CCDC191: variants seen among roughly 807,000 people sequenced by gnomAD.
CCDC191 encodes the protein coiled-coil domain-containing protein 191.
CCDC191 carries 99 observed loss-of-function variants against 114.0 expected under a neutral mutation model. The observed-to-expected ratio is 0.87, with a 90% CI of 0.74 to 1.03. The LOEUF (loss-of-function observed/expected upper bound fraction) is 1.03, where lower values mean the gene tolerates loss of function less well. Among genes scored for constraint, CCDC191 ranks in the 50% least tolerant of loss-of-function variants. The pLI is 0.00. For synonymous variants in CCDC191, 351 were observed against 376.0 expected (o/e 0.93, Z 0.77); for missense variants, 973 against 1,087.0 (o/e 0.90, Z 1.47).
chr3:113,995,268 T>G (rs951717470), intron 13 of CCDC191, among the ~76,000 whole-genome samples: 6 of 152,106 alleles, frequency 3.9e-5, no homozygotes, highest in African/African-American at 1.4e-4. Flanking sequence ...CACTCCACAA[T>G]ATATCCATGT....
intron 7 of CCDC191, among the ~76,000 whole-genome samples, chr3:114,022,085 A>G (rs540140850): frequency 6.6e-6 from 1 of 152,324 alleles, no homozygotes; most frequent in South Asian, 2.1e-4. Flanking sequence ...AAAATAAAAT[A>G]CTACCTGGTG....
At chr3:114,022,463 T>C in intron 7 of CCDC191, among the ~76,000 whole-genome samples, 1 of 152,160 alleles carries the variant, frequency 6.6e-6, no homozygotes, top group East Asian at 1.9e-4. Flanking sequence ...AAATTCTCCG[T>C]CATGGAAAAA....
chr3:113,975,607 T>C (rs1941265026), intron 16 of CCDC191, among the ~76,000 whole-genome samples: 1 of 152,228 alleles, frequency 6.6e-6, no homozygotes, highest in African/African-American at 2.4e-5. Context: ...CAGTAAATTA[T>C]ATACTTTCAG....
intron 7 of CCDC191, among the ~76,000 whole-genome samples, chr3:114,020,301 G>A (rs2076225174): frequency 6.6e-6 from 1 of 152,070 alleles, no homozygotes; most frequent in Admixed American, 6.6e-5. Context: ...ACATAAGAGA[G>A]CATCTACTAG....
At chr3:114,054,934 T>C (rs1374184013) in intron 1 of CCDC191, among the ~76,000 whole-genome samples, 1 of 152,042 alleles carries the variant, frequency 6.6e-6, no homozygotes, top group Non-Finnish European at 1.5e-5. Context: ...GATTTGTCAT[T>C]GGAGCACTAA....
chr3:113,965,263 C>T lies in CCDC191; in HGVS notation c.2703G>A (p.Arg901=), dbSNP rs760084450. The change falls in exon 17 of 17, where the codon AGG becomes AGA. Residue 901 remains arginine, a synonymous_variant. Coordinates refer to ENST00000295878, the MANE Select transcript of CCDC191 (RefSeq NM_020817.2). ...AGTCTGGAAGAATTTCAACTACCTTCCTACGAAGTTGCTGTCGCCTTTCTT... is the reference window on the plus strand; with the variant it reads ...AGTCTGGAAGAATTTCAACTACCTTTCTACGAAGTTGCTGTCGCCTTTCTT... ...VKEERRQQLR[R]KVVEILPDFQ... is the part of the protein sequence containing the mutation. The T allele has an allele frequency of 1.9e-5, 30 of 1,611,590 alleles. No homozygotes were observed. The highest frequency in any genetic ancestry group is 2.5e-5 in the Non-Finnish European group (29 of 1,178,830).
In CCDC191 at chr3:113,965,212, C is replaced by T; in HGVS notation, c.2754G>A (p.Glu918=). 2 of 1,611,656 alleles carry T rather than the reference C, an allele frequency of 1.2e-6. No individual in the cohort carries two copies. The highest frequency in any genetic ancestry group is 2.2e-5 in the East Asian group (1 of 44,812). The change falls in exon 17 of 17, where the codon GAG becomes GAA. Residue 918 remains glutamate, a synonymous_variant. Coordinates refer to ENST00000295878, the MANE Select transcript of CCDC191 (RefSeq NM_020817.2). ...ACCAAGTATCTGATTGCTGATATAG[C>T]TCGTGGTACCTTCCAGGTACCTGGA... ...PDFQVPGRYH[E]LYQQSDTWSL...
chr3:114,029,353 GAATAA>G (rs1311943340), intron 7 of CCDC191, among the ~76,000 whole-genome samples: 2 of 152,008 alleles, frequency 1.3e-5, no homozygotes, highest in African/African-American at 4.8e-5. Flanking sequence ...AGCTCATACT[GAATAA>G]AATAAACAAT....
At chr3:113,981,637 T>G (rs1332181707) in intron 13 of CCDC191, among the ~76,000 whole-genome samples, 1 of 152,156 alleles carries the variant, frequency 6.6e-6, no homozygotes, top group Non-Finnish European at 1.5e-5. Flanking sequence ...TTCCTTTACT[T>G]CATACGATTT....
intron 2 of CCDC191, among the ~76,000 whole-genome samples, chr3:114,050,780 T>G (rs935672671): frequency 1.3e-5 from 2 of 152,218 alleles, no homozygotes; most frequent in Admixed American, 6.5e-5. Flanking sequence ...TTTCGTCTGA[T>G]GGCACATAGA....
chr3:114,042,600 C>A, intron 4 of CCDC191, 103 bp downstream of exon 4: 4 of 967,226 alleles, frequency 4.1e-6, no homozygotes, highest in South Asian at 5.5e-5. Flanking sequence ...AAAAAAAACA[C>A]AGAAAACTTA....
chr3:114,004,055 G>A (rs1268503295), intron 11 of CCDC191: 3 of 961,874 alleles, frequency 3.1e-6, no homozygotes, highest in Non-Finnish European at 3.7e-6. Context: ...GACTCCTTGA[G>A]GCCAGGAGTT....
intron 6 of CCDC191, among the ~76,000 whole-genome samples, chr3:114,032,618 G>A (rs1463385384): frequency 6.6e-6 from 1 of 152,156 alleles, no homozygotes; most frequent in East Asian, 1.9e-4. Flanking sequence ...CACAGTTGTG[G>A]AAACTAAAAT....
intron 7 of CCDC191, among the ~76,000 whole-genome samples, chr3:114,021,947 T>G (rs779212254): frequency 4.6e-5 from 7 of 152,192 alleles, no homozygotes; most frequent in Non-Finnish European, 8.8e-5. Flanking sequence ...AGTCAGGCAC[T>G]CTTTTCCTAA....
chr3:114,023,056 A>G lies in CCDC191; in HGVS notation c.973-4188T>C, dbSNP rs2076266804. The stretch of plus-strand genomic sequence containing the variant: ...GTGCAAAAACCATAAGCATTGTTAT[A>G]CACCAATAACAAACAGAGAGCCAAA... On this transcript the variant is annotated intron_variant, in intron 7 of 16. Coordinates refer to ENST00000295878, the MANE Select transcript of CCDC191 (RefSeq NM_020817.2). Among the ~76,000 whole-genome samples the G allele has an allele frequency of 1.3e-5, 2 of 152,196 alleles. 1 individual carries two copies. Among genetic ancestry groups the G allele is most frequent in the Admixed American group, 1.3e-4 (2 of 15,264 alleles).
intron 1 of CCDC191, among the ~76,000 whole-genome samples, chr3:114,054,512 C>T (rs1344232288): frequency 6.6e-6 from 1 of 152,118 alleles, no homozygotes; most frequent in African/African-American, 2.4e-5. Flanking sequence ...TGGCGGGTGC[C>T]TGTAGTCCCA....
intron 16 of CCDC191, among the ~76,000 whole-genome samples, chr3:113,969,840 T>C (rs925290684): frequency 3.3e-5 from 5 of 152,196 alleles, no homozygotes; most frequent in African/African-American, 1.2e-4. Context: ...GGGTCTTCTG[T>C]GGTTTCATAT....
At chr3:113,980,346 T>C (rs922988816) in intron 14 of CCDC191, among the ~76,000 whole-genome samples, 2 of 152,176 alleles carry the variant, frequency 1.3e-5, no homozygotes, top group Non-Finnish European at 2.9e-5. Context: ...ACCTGACTAA[T>C]GTACCTTATG....
chr3:114,054,965 C>T (rs1344215569), intron 1 of CCDC191, among the ~76,000 whole-genome samples: 2 of 151,630 alleles, frequency 1.3e-5, no homozygotes, highest in Admixed American at 1.3e-4. Flanking sequence ...GTTTGGCGTT[C>T]CCAGTTCATG....
Sources: gnomAD v4.1 joint callset for allele counts (sites outside exome capture counted in the v4.1 genomes callset) on GRCh38, gnomAD v4.1.1 for gene constraint, MANE v1.5 for transcripts, NCBI Gene and HGNC (gene_info 2026-07-23, HGNC 2026-07-21) for gene names.